TANK: variants seen among roughly 807,000 people sequenced by gnomAD.
TANK encodes TRAF family member associated NFKB activator.
TANK carries 15 observed loss-of-function variants against 43.6 expected under a neutral mutation model. The ratio of observed to expected loss-of-function variants is 0.34; its 90% CI spans 0.23 to 0.53. The LOEUF (loss-of-function observed/expected upper bound fraction) is 0.53. Ranked by LOEUF, TANK falls within the 20% of genes least tolerant of loss-of-function variation. TANK has a pLI of 0.94. For synonymous variants in TANK, 162 were observed against 178.2 expected, an observed-to-expected ratio of 0.91 and a Z score of 0.73; for missense variants, 417 against 498.6, an observed-to-expected ratio of 0.84 and a Z score of 1.56.
chr2:161,194,189 G>T (rs902377242), intron 2 of TANK, among the ~76,000 whole-genome samples: 1 of 151,858 alleles, frequency 6.6e-6, no homozygotes, highest in Non-Finnish European at 1.5e-5. Flanking sequence ...TACCATAATC[G>T]TAAATGATTA....
intron 1 of TANK, among the ~76,000 whole-genome samples, chr2:161,151,467 G>A (rs1466892719): frequency 2.0e-5 from 3 of 151,964 alleles, no homozygotes. Context: ...ATGGATATAT[G>A]TGTATAATTG....
intron 1 of TANK, among the ~76,000 whole-genome samples, chr2:161,164,488 G>C (rs761950175): frequency 2.0e-5 from 3 of 152,150 alleles, no homozygotes; most frequent in Non-Finnish European, 2.9e-5. Flanking sequence ...TCGCTTTATA[G>C]TTCGGAACCA....
At position 161,146,151 on chromosome 2, in the gene TANK, G is replaced by A. The variant is rs746162456; in HGVS notation, c.-50+9088G>A. ...CTTGTGTATGCTTCACGAAGTTCTC[G>A]TGCTGTGTTTTTCAGCTCCATCAGG... On this transcript the variant is annotated intron_variant, in intron 1 of 7. Coordinates refer to the TANK transcript ENST00000259075. Among the ~76,000 whole-genome samples, 71 of 152,098 alleles carry A rather than the reference G, an allele frequency of 4.7e-4. 1 individual carries two copies. The highest frequency in any genetic ancestry group is 4.6e-4 in the Admixed American group (7 of 15,276).
intron 1 of TANK, among the ~76,000 whole-genome samples, chr2:161,176,522 T>C (rs909269499): frequency 4.6e-5 from 7 of 152,190 alleles, no homozygotes; most frequent in Admixed American, 1.3e-4. Flanking sequence ...CCTGAAGGGA[T>C]GGCTCCACAT....
chr2:161,231,209 C>T lies in TANK; in HGVS notation c.759C>T (p.Pro253=), dbSNP rs1051759441. ...STFLHSTPER[P]GILSPATSEA... ...TCTTACATAGCACTCCAGAGAGACC[C>T]GGCATCCTTAGTCCTGCCACGTCTG... Residue 253 remains proline (P), a synonymous_variant, in exon 7 of 8, where the codon CCC becomes CCT. Transcript: ENST00000392749. 41 of 1,613,834 alleles carry T rather than the reference C, an allele frequency of 2.5e-5. No individual in the cohort carries two copies. The highest frequency in any genetic ancestry group is 2.9e-5 in the Non-Finnish European group (34 of 1,180,022).
At position 161,190,188 on chromosome 2, in the gene TANK, A is replaced by G. The variant is rs187268771; in HGVS notation, c.99+10427A>G. Among the ~76,000 whole-genome samples, 3 of 152,336 alleles carry G rather than the reference A, an allele frequency of 2.0e-5. No homozygotes were observed. In the East Asian group the frequency reaches 5.8e-4, roughly 29 times the overall value. On this transcript the variant is annotated intron_variant, in intron 2 of 7. Coordinates refer to ENST00000392749, the MANE Select transcript of TANK (RefSeq NM_001199135.3). ...TTTAGAGATTTCTCCAAGAAGTTATACAGATGGCCAATAAGCATATGAAAA... is the reference window on the plus strand; with the variant it reads ...TTTAGAGATTTCTCCAAGAAGTTATGCAGATGGCCAATAAGCATATGAAAA...
Position 161,235,616 on chromosome 2 carries a change from A to G in TANK, c.*98A>G. The G allele has an allele frequency of 1.0e-6, 1 of 1,000,946 alleles. No individual in the cohort carries two copies. The highest frequency in any genetic ancestry group is 3.3e-4 in the Middle Eastern group (1 of 3,020). The allele number at this position is 1,000,946 out of a possible 1,614,324, so 62.0% of individuals were successfully genotyped here. The stretch of plus-strand genomic sequence containing the variant: ...GTAAACTAAATTCAAGATCATTTAT[A>G]GGAAAATCTAGTTTCACAGCTATTT... On this transcript the variant is annotated 3_prime_UTR_variant, in exon 8 of 8. Coordinates refer to ENST00000392749, the MANE Select transcript of TANK (RefSeq NM_001199135.3).
At chr2:161,208,203 A>AAGT in intron 4 of TANK, 3 of 985,414 alleles carry the variant, frequency 3.0e-6, no homozygotes, top group Non-Finnish European at 3.6e-6. Flanking sequence ...CCTTGGAAAA[A>AAGT]AGAGACACAA....
chr2:161,209,445 A>G (rs1301986706), intron 4 of TANK, among the ~76,000 whole-genome samples: 2 of 152,218 alleles, frequency 1.3e-5, no homozygotes, highest in Non-Finnish European at 2.9e-5. Context: ...TTCTATAAAA[A>G]TACAAAACTA....
intron 4 of TANK, among the ~76,000 whole-genome samples, chr2:161,221,198 G>A (rs1687324896): frequency 6.6e-6 from 1 of 152,132 alleles, no homozygotes; most frequent in Non-Finnish European, 1.5e-5. Context: ...CACAAGTTCA[G>A]CATTTCCAAA....
rs977881402 is a variant in TANK at position 161,201,014 on chromosome 2, G to T, written c.100-2473G>T. ...AGGAGGAAATACTCTCTACCCTTGAGGAGTTCAGTCTAGAGGGAAATCAGA... is the reference window on the plus strand; with the variant it reads ...AGGAGGAAATACTCTCTACCCTTGATGAGTTCAGTCTAGAGGGAAATCAGA... On this transcript the variant is annotated intron_variant, in intron 2 of 7. Coordinates refer to ENST00000392749, the MANE Select transcript of TANK (RefSeq NM_001199135.3). 21 of 721,106 alleles carry T rather than the reference G, an allele frequency of 2.9e-5. No individual in the cohort carries two copies. The African/African-American group carries it at 3.9e-4, about 13-fold the overall frequency. 44.7% of individuals were successfully genotyped at this position (721,106 alleles called of 1,614,324 possible). A position where few individuals can be genotyped will look rare whatever the true frequency, so the allele number is the denominator to read the frequency against.
At chr2:161,180,972 A>T (rs1186648839) in intron 2 of TANK, among the ~76,000 whole-genome samples, 1 of 150,622 alleles carries the variant, frequency 6.6e-6, no homozygotes, top group African/African-American at 2.4e-5. Flanking sequence ...AGATTCTCTC[A>T]AAAGGAAAGG....
rs1686571435 is a variant in TANK, at chr2:161,204,748, A to G, written c.282A>G (p.Pro94=). The G allele has an allele frequency of 1.2e-6, 2 of 1,607,242 alleles. No homozygotes were observed. The highest frequency in any genetic ancestry group is 4.5e-5 in the East Asian group (2 of 44,256). The part of the protein sequence containing the change: ...TRKNNLTLDQ[P]QDKVISGIAR... The stretch of plus-strand genomic sequence containing the variant: ...AGAATAATTTGACTCTTGATCAGCC[A>G]CAAGATAAAGTGATTTCAGGAATAG... The change falls in exon 4 of 8, where the codon CCA becomes CCG. Residue 94 remains proline, a synonymous_variant. Coordinates refer to ENST00000392749, the MANE Select transcript of TANK (RefSeq NM_001199135.3).
chr2:161,223,032 A>G (rs1158053402), intron 4 of TANK: 1 of 152,086 alleles, frequency 6.6e-6, no homozygotes, highest in Non-Finnish European at 1.5e-5. Context: ...AAAATCTTCC[A>G]TTTATAATAG....
chr2:161,170,784 GA>G (rs1684908535), intron 1 of TANK, among the ~76,000 whole-genome samples: 1 of 152,176 alleles, frequency 6.6e-6, no homozygotes, highest in Non-Finnish European at 1.5e-5. Flanking sequence ...GAGGTCCATA[GA>G]AAGGTTAAAT....
intron 2 of TANK, among the ~76,000 whole-genome samples, chr2:161,182,447 A>G (rs1406346255): frequency 6.6e-6 from 1 of 152,158 alleles, no homozygotes; most frequent in Non-Finnish European, 1.5e-5. Flanking sequence ...AGTGGCTCAC[A>G]GAACTCAGGG....
intron 1 of TANK, among the ~76,000 whole-genome samples, chr2:161,141,783 C>T (rs1048397996): frequency 6.6e-6 from 1 of 151,892 alleles, no homozygotes. Flanking sequence ...TAGTGCTGCA[C>T]GAAACATATG....
chr2:161,223,233 T>C (rs186553031), intron 4 of TANK: 20 of 152,206 alleles, frequency 1.3e-4, no homozygotes, highest in Non-Finnish European at 1.5e-5. Context: ...TGATGTAAAA[T>C]TTTTTAAATA....
intron 2 of TANK, 131 bp downstream of exon 2, chr2:161,179,892 A>T: frequency 7.7e-7 from 1 of 1,292,434 alleles, no homozygotes; most frequent in Non-Finnish European, 9.9e-7. Flanking sequence ...GCAGGTATAT[A>T]TTAATGGATT....
Sources: gnomAD v4.1 joint callset for allele counts (sites outside exome capture counted in the v4.1 genomes callset) on GRCh38, gnomAD v4.1.1 for gene constraint, MANE v1.5 for transcripts, NCBI Gene and HGNC (gene_info 2026-07-23, HGNC 2026-07-21) for gene names.